The following ENOX2 variants were observed in gnomAD, a reference collection of about 807,000 sequenced individuals.
ENOX2 encodes the protein ecto-NOX disulfide-thiol exchanger 2.
A neutral mutation model predicts 45.0 loss-of-function variants in ENOX2; 36 were observed. That is an observed-to-expected ratio of 0.80 (90% CI 0.61 to 1.06). The LOEUF is 1.06. ENOX2 is among the 50% of genes least tolerant of loss of function. The pLI is 0.00. For synonymous variants in ENOX2, 174 were observed against 152.3 expected, an observed-to-expected ratio of 1.14 and a Z score of -1.05; for missense variants, 423 against 462.5, an observed-to-expected ratio of 0.91 and a Z score of 0.78.
At chrX:130,895,385 G>A (rs2079046284) in intron 2 of ENOX2, among the ~76,000 whole-genome samples, 1 of 111,782 alleles carries the variant, frequency 8.9e-6, no homozygotes, top group African/African-American at 3.3e-5. Flanking sequence ...TCTATCCCAG[G>A]AAACTCTTAT....
chrX:130,722,217 A>G (rs2038497561), intron 3 of ENOX2, among the ~76,000 whole-genome samples: 1 of 112,149 alleles, frequency 8.9e-6, no homozygotes, highest in South Asian at 3.7e-4. Flanking sequence ...GGTGTCTGCC[A>G]TTATCTGAAT....
At chrX:130,668,472 T>C (rs2036895735) in intron 7 of ENOX2, among the ~76,000 whole-genome samples, 1 of 112,067 alleles carries the variant, frequency 8.9e-6, no homozygotes, top group Admixed American at 9.4e-5. Flanking sequence ...ATGAAGAACC[T>C]CCATGTAGAT....
chrX:130,866,589 T>C (rs1280482568), intron 2 of ENOX2, among the ~76,000 whole-genome samples: 1 of 110,851 alleles, frequency 9.0e-6, no homozygotes. Context: ...CTGGTCATCA[T>C]GCTTGGAAAG....
intron 2 of ENOX2, among the ~76,000 whole-genome samples, chrX:130,872,580 G>A (rs185270800): frequency 0.01 from 1,155 of 111,756 alleles, 8 homozygotes; most frequent in South Asian, 0.022. Context: ...AAAGAAGGAA[G>A]CAAGAAAGAC....
rs748397133 is a variant in ENOX2 at position 130,751,307 on chromosome X, TTA to T, written c.-39+32238_-39+32239del. Among the ~76,000 whole-genome samples the T allele has an allele frequency of 4.6e-4, 52 of 112,336 alleles. 1 individual carries two copies. The South Asian group carries it at 0.019, about 40-fold the overall frequency. On this transcript the variant is annotated intron_variant, in intron 3 of 14. Transcript: ENST00000394363. Reference sequence around the variant, plus strand: ...AAAAGGAATCATACAACATGTGACATTATGTGTCCAGCTTCTTTCTCTCAGAA... The same window carrying T: ...AAAAGGAATCATACAACATGTGACATTGTGTCCAGCTTCTTTCTCTCAGAA...
rs2035721213 is a variant in ENOX2 at position 130,631,545 on chromosome X, TTTGA to T, written c.1447_1450del (p.Ser483ThrfsTer12). 8.3e-7 allele frequency: 1 copy of T among 1,200,786 alleles called. No homozygotes were observed. Among genetic ancestry groups the T allele is most frequent in the Non-Finnish European group, 1.1e-6 (1 of 885,468 alleles). On this transcript the variant is annotated frameshift_variant, in exon 13 of 15. Coordinates refer to ENST00000394363, the MANE Select transcript of ENOX2 (RefSeq NM_006375.4). LOFTEE classifies it high-confidence loss of function. ...CTCAAGAGGGTATTCGCTATCCTGG[TTTGA>T]GGCACACAGCCTAGAAGCACAGCTT...
chrX:130,646,114 T>C (rs2036227964), intron 10 of ENOX2: 1 of 528,520 alleles, frequency 1.9e-6, no homozygotes, highest in Non-Finnish European at 3.5e-6. Flanking sequence ...TGTCTCCTGC[T>C]GCCTGCAGCC....
chrX:130,733,188 A>T (rs1163846992), intron 3 of ENOX2, among the ~76,000 whole-genome samples: 1 of 112,184 alleles, frequency 8.9e-6, no homozygotes, highest in East Asian at 2.8e-4. Flanking sequence ...GAAACTTAAC[A>T]GCCTAATTTT....
intron 2 of ENOX2, among the ~76,000 whole-genome samples, chrX:130,834,372 G>A (rs754700662): frequency 6.3e-5 from 7 of 111,083 alleles, no homozygotes; most frequent in Admixed American, 5.7e-4. Context: ...ACTGGGCTCC[G>A]GTTTCTGGTC....
intron 7 of ENOX2, among the ~76,000 whole-genome samples, chrX:130,669,382 G>A (rs762569312): frequency 3.6e-5 from 4 of 112,324 alleles, no homozygotes; most frequent in East Asian, 2.8e-4. Context: ...ATGTCTACAC[G>A]TTTCCACAGT....
intron 2 of ENOX2, among the ~76,000 whole-genome samples, chrX:130,822,156 C>T (rs1349164730): frequency 9.2e-6 from 1 of 108,815 alleles, no homozygotes; most frequent in Non-Finnish European, 1.9e-5. Flanking sequence ...TCAGGCCAGA[C>T]GGACTGCTGG....
At chrX:130,794,211 T>C in intron 2 of ENOX2, among the ~76,000 whole-genome samples, 1 of 112,360 alleles carries the variant, frequency 8.9e-6, no homozygotes, top group South Asian at 3.7e-4. Flanking sequence ...TGTTGAGTAC[T>C]TCCCTGAGAA....
At chrX:130,670,252 T>C (rs779159164) in intron 6 of ENOX2, 54 bp from the exon 7 acceptor site, 2 of 835,040 alleles carry the variant, frequency 2.4e-6, no homozygotes, top group Non-Finnish European at 3.5e-6. Flanking sequence ...AGGAGAGAAG[T>C]AGAGGGAGAG....
intron 2 of ENOX2, among the ~76,000 whole-genome samples, chrX:130,867,893 T>A (rs779207348): frequency 9.8e-5 from 11 of 111,986 alleles, no homozygotes; most frequent in Non-Finnish European, 1.9e-5. Context: ...AAGACTTGCA[T>A]AGGAGGATGC....
At chrX:130,703,632 C>T (rs762515232) in intron 3 of ENOX2, among the ~76,000 whole-genome samples, 6 of 110,932 alleles carry the variant, frequency 5.4e-5, no homozygotes, top group Non-Finnish European at 1.1e-4. Context: ...CAGCAGCTTC[C>T]ATCCAAACTA....
intron 2 of ENOX2, among the ~76,000 whole-genome samples, chrX:130,886,402 T>C (rs1268640164): frequency 8.9e-6 from 1 of 112,796 alleles, no homozygotes; most frequent in East Asian, 2.8e-4. Flanking sequence ...GCTTCTGTTC[T>C]GTGAAGCAAG....
intron 3 of ENOX2, among the ~76,000 whole-genome samples, chrX:130,726,648 G>C (rs749191048): frequency 8.9e-6 from 1 of 112,326 alleles, no homozygotes; most frequent in South Asian, 3.8e-4. Context: ...GCTGACATTA[G>C]AAAAACATGC....
At chrX:130,681,570 A>G (rs1036327440) in intron 5 of ENOX2, among the ~76,000 whole-genome samples, 18 of 111,982 alleles carry the variant, frequency 1.6e-4, no homozygotes, top group African/African-American at 5.5e-4. Flanking sequence ...TGGAGCAGGT[A>G]AACCTAAATG....
Position 130,838,241 on chromosome X carries a change from G to A in ENOX2, c.-182-54551C>T, listed in dbSNP as rs746325770. Among the ~76,000 whole-genome samples the A allele has an allele frequency of 3.6e-5, 4 of 111,549 alleles. No homozygotes were observed. In the South Asian group the frequency reaches 1.5e-3, roughly 42 times the overall value. On this transcript the variant is annotated intron_variant, in intron 2 of 14. Coordinates refer to ENST00000394363, the MANE Select transcript of ENOX2 (RefSeq NM_006375.4). Reference sequence around the variant, plus strand: ...TGCTAAAAATACAAACATTAGCCGGGCATAGTGGTGCATGCCTGTAATCCC... The same window carrying A: ...TGCTAAAAATACAAACATTAGCCGGACATAGTGGTGCATGCCTGTAATCCC...
Sources: gnomAD v4.1 joint callset for allele counts (sites outside exome capture counted in the v4.1 genomes callset) on GRCh38, gnomAD v4.1.1 for gene constraint, MANE v1.5 for transcripts, NCBI Gene and HGNC (gene_info 2026-07-23, HGNC 2026-07-21) for gene names.